Variants in TFAP2E observed in about 807,000 individuals in gnomAD.
TFAP2E encodes transcription factor AP-2 epsilon, also known as transcription factor AP-2-epsilon.
Under a neutral mutation model 37.9 loss-of-function variants are expected in TFAP2E, and 30 were observed. The ratio of observed to expected loss-of-function variants is 0.79; its 90% CI spans 0.59 to 1.07. TFAP2E has a LOEUF of 1.07. TFAP2E is among the 50% of genes least tolerant of loss of function. TFAP2E has a pLI of 0.00. For missense variants in TFAP2E, 567 were observed against 637.9 expected, an observed-to-expected ratio of 0.89 and a Z score of 1.20; for synonymous variants, 318 against 295.8, an observed-to-expected ratio of 1.08 and a Z score of -0.77.
Position 35,594,800 on chromosome 1 carries a change from C to A in TFAP2E, c.*124C>A. On this transcript the variant is annotated 3_prime_UTR_variant, in exon 7 of 7. Transcript: ENST00000373235. ...TCAGGCCAGAAAGAGAACATTCATCCAGAGATCCCAGAGTTGGGGATCTGG... is the reference window on the plus strand; with the variant it reads ...TCAGGCCAGAAAGAGAACATTCATCAAGAGATCCCAGAGTTGGGGATCTGG... The A allele has an allele frequency of 7.1e-7, 1 of 1,402,154 alleles. No homozygotes were observed. The highest frequency in any genetic ancestry group is 9.6e-7 in the Non-Finnish European group (1 of 1,040,042). The allele number at this position is 1,402,154 out of a possible 1,614,324, so 86.9% of individuals were successfully genotyped here.
Position 35,573,492 on chromosome 1 carries a change from C to G in TFAP2E, c.-86C>G, listed in dbSNP as rs1649068658. ...GCACCGTGACCTCCGCGGGCTGTGC[C>G]GGCTCCCGGCGCCTCTGCCCGCAGC... On this transcript the variant is annotated 5_prime_UTR_variant, in exon 1 of 7. Transcript: ENST00000373235. The surrounding 1 kb of genome is among the most constrained non-coding windows in gnomAD (Gnocchi z 5.9). The G allele has an allele frequency of 3.6e-6, 5 of 1,393,684 alleles. 1 individual carries two copies. The highest frequency in any genetic ancestry group is 3.3e-5 in the South Asian group (2 of 60,150). 86.3% of individuals were successfully genotyped at this position (1,393,684 alleles called of 1,614,324 possible).
In TFAP2E at chr1:35,574,383, G is replaced by T; in HGVS notation, c.484G>T (p.Ala162Ser). The T allele has an allele frequency of 7.0e-7, 1 of 1,437,436 alleles. No individual in the cohort carries two copies. Among genetic ancestry groups the T allele is most frequent in the Non-Finnish European group, 9.0e-7 (1 of 1,107,472 alleles). The allele number at this position is 1,437,436 out of a possible 1,614,324, so 89.0% of individuals were successfully genotyped here. Residue 162 changes from alanine (A) to serine (S), a missense_variant, in exon 2 of 7, where the codon GCG (alanine) becomes TCG (serine). Ala to Ser is a moderately conservative substitution (Grantham distance 99, BLOSUM62 1). This residue lies in a region of TFAP2E where 312 missense variants were observed against 317.4 expected (regional missense o/e 0.98). Transcript: ENST00000373235. ...ACCTCTCGGCCTTCCGGGGCTGGCG[G>T]CGGCCCCCGGTCTGGAGGACCTGCA... Reference protein sequence around the residue: ...DAPLGLPGLAAAPGLEDLQAM... With the variant: ...DAPLGLPGLASAPGLEDLQAM...
At position 35,590,431 on chromosome 1, in the gene TFAP2E, C is replaced by G. The variant is rs1465036578; in HGVS notation, c.905-203C>G. ...AATACATGGTGGGCCCAGCTCCCAT[C>G]TCTGAGCTCAGAGCCCAACCCTAAT... On this transcript the variant is annotated intron_variant, in intron 5 of 6. Coordinates refer to ENST00000373235, the MANE Select transcript of TFAP2E (RefSeq NM_178548.4). This position sits in a 1 kb window ranked among gnomAD's most constrained non-coding sequence, Gnocchi z 6.2. Among the ~76,000 whole-genome samples the G allele has an allele frequency of 1.3e-5, 2 of 152,018 alleles. No homozygotes were observed. The highest frequency in any genetic ancestry group is 2.1e-4 in the South Asian group (1 of 4,830).
intron 3 of TFAP2E, among the ~76,000 whole-genome samples, chr1:35,576,146 C>T (rs758185895): frequency 2.0e-5 from 3 of 152,228 alleles, no homozygotes; most frequent in Non-Finnish European, 4.4e-5. Context: ...TATTTGCCCT[C>T]CACTTGTTCT....
In TFAP2E at chr1:35,594,456, G is replaced by A. The variant is rs201140433; in HGVS notation, c.1109G>A (p.Arg370His). 2.9e-5 allele frequency: 47 copies of A among 1,614,028 alleles called. No individual in the cohort carries two copies. The highest frequency in any genetic ancestry group is 3.4e-5 in the Non-Finnish European group (40 of 1,180,044). The change falls in exon 7 of 7, where the codon CGC becomes CAC. Residue 370 changes from arginine to histidine, a missense_variant. Arg to His is a conservative substitution (Grantham distance 29). Transcript: ENST00000373235. ...GACCGCTCACCGCTGGGCAACAGCC[G>A]CCCAGCACTCATCCTGGAGCCCGGA... ...AQDRSPLGNSRPALILEPGVQ... is the reference protein window; with the variant it reads ...AQDRSPLGNSHPALILEPGVQ...
At position 35,577,377 on chromosome 1, in the gene TFAP2E, T is replaced by C. The variant is rs1287641333; in HGVS notation, c.562+2377T>C. On this transcript the variant is annotated intron_variant, in intron 3 of 6. Transcript: ENST00000373235. This position sits in a 1 kb window ranked among gnomAD's most constrained non-coding sequence, Gnocchi z 6.3. ...GCGTTGCCGCCAGCCCAGTGGGGAG[T>C]GAATTAGCGCCCTCCTTCGTCCTCG... 4 of 456,244 alleles carry C rather than the reference T, an allele frequency of 8.8e-6. No individual in the cohort carries two copies. Among genetic ancestry groups the C allele is most frequent in the Non-Finnish European group, 1.8e-5 (4 of 226,884 alleles). The allele number at this position is 456,244 out of a possible 1,614,324, so 28.3% of individuals were successfully genotyped here. A position where few individuals can be genotyped will look rare whatever the true frequency, so the allele number is the denominator to read the frequency against.
At position 35,577,530 on chromosome 1, in the gene TFAP2E, C is replaced by T. The variant is rs1332309592; in HGVS notation, c.562+2530C>T. The stretch of plus-strand genomic sequence containing the variant: ...AAAGTCGCTCTTTGGCCACCTGAAG[C>T]GTCGGATCCCTACAGTGCCTCCCAG... On this transcript the variant is annotated intron_variant, in intron 3 of 6. Transcript: ENST00000373235. This position sits in a 1 kb window ranked among gnomAD's most constrained non-coding sequence, Gnocchi z 6.3. 2 of 450,598 alleles carry T rather than the reference C, an allele frequency of 4.4e-6. No individual in the cohort carries two copies. The highest frequency in any genetic ancestry group is 4.0e-5 in the African/African-American group (2 of 49,968). The allele number at this position is 450,598 out of a possible 1,614,324, so 27.9% of individuals were successfully genotyped here. A position where few individuals can be genotyped will look rare whatever the true frequency, so the allele number is the denominator to read the frequency against.
intron 6 of TFAP2E, among the ~76,000 whole-genome samples, chr1:35,593,136 G>A (rs969639619): frequency 9.2e-5 from 14 of 152,152 alleles, no homozygotes; most frequent in Admixed American, 5.2e-4. Flanking sequence ...CTTGAGCCCA[G>A]GAGTTCAAGG....
intron 3 of TFAP2E, among the ~76,000 whole-genome samples, chr1:35,580,749 T>C (rs1455286410): frequency 6.6e-6 from 1 of 151,192 alleles, no homozygotes; most frequent in Non-Finnish European, 1.5e-5. Flanking sequence ...CACCCCAGCC[T>C]GGGCGACAGA....
rs368041337 is a variant in TFAP2E at position 35,589,513 on chromosome 1, T to TGA, written c.786-411_786-410dup. On this transcript the variant is annotated intron_variant, in intron 4 of 6. Transcript: ENST00000373235. ...TTTCACGTGTGTGTGTGTGTGTGTGTGAGAGAGTCACCAGGTGGCTGTGTG... is the reference window on the plus strand; with the variant it reads ...TTTCACGTGTGTGTGTGTGTGTGTGTGAGAGAGAGTCACCAGGTGGCTGTGTG... Among the ~76,000 whole-genome samples, 8 of 151,836 alleles carry TGA rather than the reference T, an allele frequency of 5.3e-5. No individual in the cohort carries two copies. In the South Asian group the frequency reaches 1.3e-3, roughly 24 times the overall value.
Position 35,594,789 on chromosome 1 carries a change from G to C in TFAP2E, c.*113G>C. 1.3e-6 allele frequency: 2 copies of C among 1,485,020 alleles called. No homozygotes were observed. The highest frequency in any genetic ancestry group is 2.3e-5 in the East Asian group (1 of 43,238). 92.0% of individuals were successfully genotyped at this position (1,485,020 alleles called of 1,614,324 possible). A position where few individuals can be genotyped will look rare whatever the true frequency, so the allele number is the denominator to read the frequency against. The stretch of plus-strand genomic sequence containing the variant: ...TGGGATTAGAGTCAGGCCAGAAAGA[G>C]AACATTCATCCAGAGATCCCAGAGT... On this transcript the variant is annotated 3_prime_UTR_variant, in exon 7 of 7. Coordinates refer to ENST00000373235, the MANE Select transcript of TFAP2E (RefSeq NM_178548.4).
intron 3 of TFAP2E, among the ~76,000 whole-genome samples, chr1:35,587,379 C>T (rs1649510622): frequency 6.6e-6 from 1 of 152,082 alleles, no homozygotes; most frequent in Admixed American, 6.5e-5. Flanking sequence ...GTGGCTCATG[C>T]CTGTAATCCC....
At chr1:35,580,455 G>T (rs111473158) in intron 3 of TFAP2E, among the ~76,000 whole-genome samples, 14 of 151,984 alleles carry the variant, frequency 9.2e-5, no homozygotes, top group Admixed American at 2.0e-4. Flanking sequence ...CCCCCAGGGG[G>T]TGCTTGTTAA....
At chr1:35,575,653 G>T (rs976091432) in intron 3 of TFAP2E, among the ~76,000 whole-genome samples, 2 of 152,126 alleles carry the variant, frequency 1.3e-5, no homozygotes, top group Non-Finnish European at 2.9e-5. Flanking sequence ...TGGAGTGTGA[G>T]TGTGTCTGTT....
In TFAP2E at chr1:35,590,750, C is replaced by T. The variant is rs146697381; in HGVS notation, c.1021C>T (p.Arg341Cys). ...CGCTGACCCGGGGGAGCTGCACAGC[C>T]GCAAGAGCATGCTGCTGGCTGCCAA... The part of the protein sequence containing the change: ...QHADPGELHS[R>C]KSMLLAAKQI... Residue 341 changes from arginine to cysteine, a missense_variant, in exon 6 of 7, where the codon CGC (arginine) becomes TGC (cysteine). By Grantham distance (180) the Arg-to-Cys change is radical. Transcript: ENST00000373235. The surrounding 1 kb of genome is among the most constrained non-coding windows in gnomAD (Gnocchi z 6.2). 13 of 1,486,022 alleles carry T rather than the reference C, an allele frequency of 8.7e-6. No individual in the cohort carries two copies. The highest frequency in any genetic ancestry group is 1.8e-4 in the Middle Eastern group (1 of 5,446). 92.1% of individuals were successfully genotyped at this position (1,486,022 alleles called of 1,614,324 possible). A position where few individuals can be genotyped will look rare whatever the true frequency, so the allele number is the denominator to read the frequency against.
At position 35,590,157 on chromosome 1, in the gene TFAP2E, G is replaced by T; in HGVS notation, c.904+109G>T. 2.0e-6 allele frequency: 2 copies of T among 1,009,678 alleles called. No homozygotes were observed. Among genetic ancestry groups the T allele is most frequent in the Admixed American group, 1.9e-5 (1 of 51,954 alleles). 62.5% of individuals were successfully genotyped at this position (1,009,678 alleles called of 1,614,324 possible). On this transcript the variant is annotated intron_variant, in intron 5 of 6. Coordinates refer to ENST00000373235, the MANE Select transcript of TFAP2E (RefSeq NM_178548.4). This position sits in a 1 kb window ranked among gnomAD's most constrained non-coding sequence, Gnocchi z 6.2. ...TGTGTTTAGTGGTGTGTGTGTATCC[G>T]TGTAAGTGTTGCAGTATCTGTGTGC... is the stretch of plus-strand genomic sequence containing the variant.
At position 35,588,007 on chromosome 1, in the gene TFAP2E, G is replaced by A. The variant is rs146962322; in HGVS notation, c.563-323G>A. ...GGCCTGACCCTGCTGCAGGGCCCCA[G>A]GGGTCCTGCCTCCAGCTCACACTCA... On this transcript the variant is annotated intron_variant, in intron 3 of 6. Coordinates refer to ENST00000373235, the MANE Select transcript of TFAP2E (RefSeq NM_178548.4). This position sits in a 1 kb window ranked among gnomAD's most constrained non-coding sequence, Gnocchi z 5.1. Among the ~76,000 whole-genome samples, 1 of 152,208 alleles carries A rather than the reference G, an allele frequency of 6.6e-6. No individual in the cohort carries two copies. The highest frequency in any genetic ancestry group is 2.4e-5 in the African/African-American group (1 of 41,548).
chr1:35,583,239 T>G (rs535154931), intron 3 of TFAP2E, among the ~76,000 whole-genome samples: 1 of 152,234 alleles, frequency 6.6e-6, no homozygotes, highest in South Asian at 2.1e-4. Context: ...TGGTGTTGTA[T>G]CTAGGAACTC....
intron 3 of TFAP2E, among the ~76,000 whole-genome samples, chr1:35,581,401 C>A (rs11264177): frequency 0.048 from 7,275 of 151,994 alleles, 411 homozygotes; most frequent in East Asian, 0.24. Context: ...ATATTTTTAG[C>A]GCTTTTGAGT....
Sources: gnomAD v4.1 joint callset for allele counts (sites outside exome capture counted in the v4.1 genomes callset) on GRCh38, gnomAD v4.1.1 for gene constraint, gnomAD v4.1.1 regional missense constraint, Gnocchi (gnomAD v3.1) non-coding constraint, MANE v1.5 for transcripts, NCBI Gene and HGNC (gene_info 2026-07-23, HGNC 2026-07-21) for gene names.